JAG1: variants seen among roughly 807,000 people sequenced by gnomAD.
JAG1 encodes the protein protein jagged-1.
A neutral mutation model predicts 148.7 loss-of-function variants in JAG1; 23 were observed. That is an observed-to-expected ratio of 0.15 (90% CI 0.11 to 0.22). JAG1 has a LOEUF of 0.22. Ranked by LOEUF, JAG1 falls within the 10% of genes least tolerant of loss-of-function variation. The pLI, the probability that JAG1 is intolerant of heterozygous loss-of-function variation, is 1.00. For missense variants in JAG1, 1,054 were observed against 1,611.2 expected (o/e 0.65, Z 5.92); for synonymous variants, 572 against 598.3 (o/e 0.96, Z 0.64).
intron 2 of JAG1, among the ~76,000 whole-genome samples, chr20:10,669,211 G>C (rs1202646322): frequency 2.0e-5 from 3 of 152,072 alleles, no homozygotes; most frequent in Admixed American, 1.3e-4. Flanking sequence ...AGGGCAAAAG[G>C]CGTTTTCTCC....
rs2067243330 is a variant in JAG1 at position 10,637,859 on chromosome 20, CCT to C, written c.*1637_*1638del. ...AAAGCCTTTCAGTTCTTCCTCCATC[CCT>C]CTGTCAGGCAGAGCCTATTATACCC... On this transcript the variant is annotated 3_prime_UTR_variant, in exon 26 of 26. Transcript: ENST00000254958. 6.6e-6 allele frequency: 1 copy of C among 152,578 alleles called. No individual in the cohort carries two copies. The highest frequency in any genetic ancestry group is 6.5e-5 in the Admixed American group (1 of 15,288). 9.5% of individuals were successfully genotyped at this position (152,578 alleles called of 1,614,324 possible). A position where few individuals can be genotyped will look rare whatever the true frequency, so the allele number is the denominator to read the frequency against.
intron 2 of JAG1, among the ~76,000 whole-genome samples, chr20:10,667,065 T>C (rs939399671): frequency 3.3e-5 from 5 of 152,166 alleles, no homozygotes; most frequent in Admixed American, 6.5e-5. Flanking sequence ...CAAAGGTAAT[T>C]GTGTTGGCAG....
Position 10,652,538 on chromosome 20 carries a change from G to A in JAG1, c.816C>T (p.Val272=), listed in dbSNP as rs771490222. The A allele has an allele frequency of 2.5e-6, 4 of 1,614,002 alleles. No individual in the cohort carries two copies. In the South Asian group the frequency reaches 4.4e-5, roughly 18 times the overall value. ...GCCAGGGCTCATTACAGATGCCGTG[G>A]ACGCATCCCGGGTGTGGGATGCACT... ...CDKCIPHPGC[V]HGICNEPWQC... The change falls in exon 6 of 26, where the codon GTC becomes GTT. Residue 272 remains valine, a synonymous_variant. Transcript: ENST00000254958.
rs536868625 is a variant in JAG1 at position 10,654,535 on chromosome 20, T to TG, written c.755+1862dup. Reference sequence around the variant, plus strand: ...ACCAGTAAATTTTCTCATGTGGGGGTGAAAAAAAAAATAACCTGTGTAATA... The same window carrying TG: ...ACCAGTAAATTTTCTCATGTGGGGGTGGAAAAAAAAAATAACCTGTGTAATA... On this transcript the variant is annotated intron_variant, in intron 5 of 25. Coordinates refer to ENST00000254958, the MANE Select transcript of JAG1 (RefSeq NM_000214.3). Among the ~76,000 whole-genome samples the TG allele has an allele frequency of 1.9e-3, 291 of 150,892 alleles. 15 individuals carry two copies. In the South Asian group the frequency reaches 0.062, roughly 32 times the overall value.
chr20:10,644,869 C>A lies in JAG1; in HGVS notation c.2338G>T (p.Ala780Ser). ...CKEGWEGPICAQNTNDCSPHP... is the reference protein window; with the variant it reads ...CKEGWEGPICSQNTNDCSPHP... The stretch of plus-strand genomic sequence containing the variant: ...AAGGGGGGAGGACACTCACTCTGAG[C>A]ACAGATGGGCCCCTCCCAGCCTTCC... The change falls in exon 18 of 26, where the codon GCT becomes TCT. Residue 780 changes from alanine to serine, a missense_variant. Transcript: ENST00000254958. 6.2e-7 allele frequency: 1 copy of A among 1,612,304 alleles called. No homozygotes were observed. Among genetic ancestry groups the A allele is most frequent in the Non-Finnish European group, 8.5e-7 (1 of 1,178,300 alleles).
rs752854231 is a variant in JAG1, at chr20:10,644,394, A to C, written c.2345-10T>G. On this transcript the variant is annotated splice_polypyrimidine_tract_variant and intron_variant, in intron 18 of 25. Transcript: ENST00000254958. ...CTGCAGTCATTGGTATCTGCAAAGA[A>C]AAGACAACTTAATAGTGAGGACTTC... 8.1e-6 allele frequency: 13 copies of C among 1,612,310 alleles called. No individual in the cohort carries two copies. Among genetic ancestry groups the C allele is most frequent in the Admixed American group, 1.7e-5 (1 of 59,990 alleles).
In JAG1 at chr20:10,638,635, G is replaced by A. The variant is rs1273547440; in HGVS notation, c.*863C>T. On this transcript the variant is annotated 3_prime_UTR_variant, in exon 26 of 26. Transcript: ENST00000254958. ...ATAGAAGGTGTTTTAAACATCTGAC[G>A]TCGTACAAAAAAATTCCATCAGTAT... 3.6e-5 allele frequency: 5 copies of A among 139,492 alleles called. No homozygotes were observed. The highest frequency in any genetic ancestry group is 2.2e-4 in the South Asian group (1 of 4,560). The allele number at this position is 139,492 out of a possible 1,614,324, so 8.6% of individuals were successfully genotyped here.
intron 13 of JAG1, 74 bp downstream of exon 13, chr20:10,647,886 A>G: frequency 6.7e-7 from 1 of 1,485,214 alleles, no homozygotes; most frequent in South Asian, 1.1e-5. Context: ...CAAGTGTAAC[A>G]AGGGGCAGTG....
chr20:10,660,698 G>A (rs116437137), intron 3 of JAG1, among the ~76,000 whole-genome samples: 117 of 152,348 alleles, frequency 7.7e-4, no homozygotes, highest in African/African-American at 2.6e-3. Context: ...CACCTGCTCA[G>A]GGAGGGGGTC....
At chr20:10,667,036 G>T (rs1360410159) in intron 2 of JAG1, among the ~76,000 whole-genome samples, 2 of 152,250 alleles carry the variant, frequency 1.3e-5, no homozygotes, top group Non-Finnish European at 2.9e-5. Flanking sequence ...GCCACATTAA[G>T]AAGGGGGGAT....
At chr20:10,650,639 G>A (rs1017307596) in intron 8 of JAG1, 4 of 451,018 alleles carry the variant, frequency 8.9e-6, no homozygotes, top group Non-Finnish European at 1.2e-5. Context: ...AGGAACACAG[G>A]ACATCTCTAT....
At position 10,647,044 on chromosome 20, in the gene JAG1, T is replaced by A. The variant is rs897891027; in HGVS notation, c.1780A>T (p.Ile594Phe). ...TGAGGACCACAGACGTTGGAGGAAA[T>A]ATACCGCACCCCTTCAGGTGTGTCG... ...SNDTPEGVRY[I>F]SSNVCGPHGK... Residue 594 changes from isoleucine (I) to phenylalanine (F), a missense_variant, in exon 14 of 26, where the codon ATT becomes TTT. Transcript: ENST00000254958. The A allele has an allele frequency of 1.2e-6, 2 of 1,614,138 alleles. No individual in the cohort carries two copies. Among genetic ancestry groups the A allele is most frequent in the Admixed American group, 3.3e-5 (2 of 60,014 alleles).
intron 2 of JAG1, among the ~76,000 whole-genome samples, chr20:10,664,946 T>G (rs1227953017): frequency 6.6e-6 from 1 of 152,176 alleles, no homozygotes; most frequent in Non-Finnish European, 1.5e-5. Flanking sequence ...TAATTTACAG[T>G]AAGGTCAGTC....
chr20:10,658,308 C>T (rs955523123), intron 4 of JAG1, among the ~76,000 whole-genome samples, 160 bp downstream of exon 4: 8 of 152,168 alleles, frequency 5.3e-5, no homozygotes, highest in African/African-American at 1.7e-4. Flanking sequence ...GGGGCACCAA[C>T]AGCATCTTCT....
At chr20:10,666,203 A>G (rs1262785828) in intron 2 of JAG1, among the ~76,000 whole-genome samples, 5 of 152,166 alleles carry the variant, frequency 3.3e-5, no homozygotes, top group African/African-American at 1.2e-4. Context: ...GGTTCCTATT[A>G]GGAGGCACTC....
chr20:10,642,382 G>T, intron 21 of JAG1, 106 bp downstream of exon 21: 1 of 681,980 alleles, frequency 1.5e-6, no homozygotes, highest in Non-Finnish European at 2.7e-6. Context: ...CCCACTGTGT[G>T]TTCCCTTCCC....
chr20:10,664,815 T>C (rs1389099844), intron 2 of JAG1, among the ~76,000 whole-genome samples: 2 of 152,242 alleles, frequency 1.3e-5, no homozygotes. Flanking sequence ...ACTGGCAAGA[T>C]GCCAGCTGTT....
Position 10,638,773 on chromosome 20 carries a change from C to T in JAG1, c.*725G>A, listed in dbSNP as rs1433068901. 2 of 152,592 alleles carry T rather than the reference C, an allele frequency of 1.3e-5. No homozygotes were observed. Among genetic ancestry groups the T allele is most frequent in the Non-Finnish European group, 1.5e-5 (1 of 68,052 alleles). 9.5% of individuals were successfully genotyped at this position (152,592 alleles called of 1,614,324 possible). A position where few individuals can be genotyped will look rare whatever the true frequency, so the allele number is the denominator to read the frequency against. On this transcript the variant is annotated 3_prime_UTR_variant, in exon 26 of 26. Transcript: ENST00000254958. ...GAGTTCAAAAAAATAAAGCCATACG[C>T]TTACAATGCTATCAAAAACCTTCAA...
intron 3 of JAG1, among the ~76,000 whole-genome samples, chr20:10,663,488 G>A (rs1462502397): frequency 6.6e-6 from 1 of 152,222 alleles, no homozygotes; most frequent in Non-Finnish European, 1.5e-5. Flanking sequence ...GGTTTGTGGA[G>A]CAGTGTGGGA....
Sources: allele counts gnomAD v4.1 joint callset (sites outside exome capture counted in the v4.1 genomes callset), GRCh38; gene constraint gnomAD v4.1.1; transcripts MANE v1.5; gene names NCBI Gene and HGNC (gene_info 2026-07-23, HGNC 2026-07-21).